The following COL11A1 variants were observed in gnomAD, a reference collection of about 807,000 sequenced individuals.
COL11A1 encodes the protein collagen type XI alpha 1 chain.
Under a neutral mutation model 265.2 loss-of-function variants are expected in COL11A1, and 74 were observed. The observed-to-expected ratio is 0.28, with a 90% CI of 0.23 to 0.34. COL11A1 has a LOEUF of 0.34. COL11A1 is among the 10% of genes least tolerant of loss of function. The pLI is 1.00. For missense variants in COL11A1, 2,165 were observed against 2,263.6 expected, an observed-to-expected ratio of 0.96 and a Z score of 0.88; for synonymous variants, 816 against 727.6, an observed-to-expected ratio of 1.12 and a Z score of -1.96.
chr1:103,018,890 G>A, intron 9 of COL11A1, 31 bp from the exon 10 acceptor site: 1 of 1,591,600 alleles, frequency 6.3e-7, no homozygotes, highest in Non-Finnish European at 8.6e-7. Flanking sequence ...ATCTCTACCA[G>A]GGAAATATAA....
At chr1:102,929,045 T>G (rs558535440) in intron 46 of COL11A1, among the ~76,000 whole-genome samples, 1 of 145,066 alleles carries the variant, frequency 6.9e-6, no homozygotes, top group African/African-American at 2.6e-5. Context: ...GTAGGTTGCC[T>G]GTTCACTCTG....
chr1:103,093,660 C>A (rs1673506172), intron 1 of COL11A1, among the ~76,000 whole-genome samples: 1 of 152,228 alleles, frequency 6.6e-6, no homozygotes, highest in Admixed American at 6.5e-5. Context: ...GACAAGAACC[C>A]TTTTTCTGGA....
intron 3 of COL11A1, among the ~76,000 whole-genome samples, chr1:103,075,206 C>T (rs1671883848): frequency 6.6e-6 from 1 of 152,128 alleles, no homozygotes. Flanking sequence ...TCTAGTGATC[C>T]CCTGAGATTG....
At chr1:102,879,278 G>C (rs951857935) in intron 66 of COL11A1, among the ~76,000 whole-genome samples, 5 of 151,924 alleles carry the variant, frequency 3.3e-5, no homozygotes, top group Non-Finnish European at 7.4e-5. Flanking sequence ...ACAAAATATA[G>C]GGCTAAAAAT....
intron 54 of COL11A1, among the ~76,000 whole-genome samples, chr1:102,909,981 G>C (rs931198988): frequency 1.3e-5 from 2 of 151,818 alleles, no homozygotes; most frequent in Non-Finnish European, 2.9e-5. Context: ...AAAATATTTT[G>C]AAAGTTTATA....
chr1:102,918,066 A>C (rs145776871), intron 49 of COL11A1, among the ~76,000 whole-genome samples: 42 of 151,648 alleles, frequency 2.8e-4, no homozygotes, highest in African/African-American at 9.6e-4. Flanking sequence ...AATGTTATAT[A>C]AATTAAGTCT....
At chr1:103,053,494 C>T (rs533576377) in intron 4 of COL11A1, among the ~76,000 whole-genome samples, 1 of 152,178 alleles carries the variant, frequency 6.6e-6, no homozygotes, top group African/African-American at 2.4e-5. Flanking sequence ...TACAGAATCA[C>T]TGAAGCTTGG....
intron 24 of COL11A1, chr1:103,001,096 A>C (rs1665057273): frequency 5.0e-6 from 2 of 397,134 alleles, no homozygotes; most frequent in Non-Finnish European, 4.4e-6. Flanking sequence ...CAGAAAGCAA[A>C]TTAATTGTTA....
At position 103,004,620 on chromosome 1, in the gene COL11A1, A is replaced by G. The variant is rs1557932817; in HGVS notation, c.1887T>C (p.Asp629=). The stretch of plus-strand genomic sequence containing the variant: ...AGTATTAACATACCCTCATTCCATC[A>G]TCACCAGGAGGACCTGGAGGACCTT... ...GPQGPPGPPG[D]DGMRGEDGEI... The change falls in exon 19 of 67, where the codon GAT becomes GAC. Residue 629 remains aspartate (D), a synonymous_variant. Coordinates refer to ENST00000370096, the MANE Select transcript of COL11A1 (RefSeq NM_001854.4). 3 of 1,610,632 alleles carry G rather than the reference A, an allele frequency of 1.9e-6. No homozygotes were observed. Among genetic ancestry groups the G allele is most frequent in the Non-Finnish European group, 1.7e-6 (2 of 1,178,566 alleles).
At chr1:102,996,228 G>A (rs1275749329) in intron 26 of COL11A1, among the ~76,000 whole-genome samples, 186 bp from the exon 27 acceptor site, 1 of 151,810 alleles carries the variant, frequency 6.6e-6, no homozygotes, top group Non-Finnish European at 1.5e-5. Flanking sequence ...CATGTAACTA[G>A]CACTACTCAC....
intron 4 of COL11A1, among the ~76,000 whole-genome samples, chr1:103,047,053 T>C (rs1283547004): frequency 1.3e-5 from 2 of 152,170 alleles, no homozygotes; most frequent in Non-Finnish European, 2.9e-5. Flanking sequence ...GCCTCCAGCT[T>C]TGTTATTTTG....
intron 4 of COL11A1, among the ~76,000 whole-genome samples, chr1:103,072,793 G>T (rs1411067425): frequency 1.3e-5 from 2 of 151,560 alleles, no homozygotes. Flanking sequence ...TAGAAAGTAA[G>T]ACCTGAATCT....
intron 4 of COL11A1, among the ~76,000 whole-genome samples, chr1:103,036,893 A>G (rs1668414896): frequency 6.6e-6 from 1 of 152,058 alleles, no homozygotes; most frequent in Non-Finnish European, 1.5e-5. Flanking sequence ...CTGGGTTTAT[A>G]CTATAGTGTT....
intron 1 of COL11A1, among the ~76,000 whole-genome samples, chr1:103,092,079 T>C (rs965000449): frequency 6.6e-6 from 1 of 152,088 alleles, no homozygotes; most frequent in Non-Finnish European, 1.5e-5. Context: ...TAGTAAAATA[T>C]TCTGAAGTGT....
At chr1:102,895,529 G>C (rs1409774337) in intron 57 of COL11A1, among the ~76,000 whole-genome samples, 1 of 152,072 alleles carries the variant, frequency 6.6e-6, no homozygotes, top group Non-Finnish European at 1.5e-5. Context: ...ATTGAAGCCT[G>C]TGTAGATTTG....
rs74108049 is a variant in COL11A1, at chr1:102,909,124, C to A, written c.4086+3035G>T. On this transcript the variant is annotated intron_variant, in intron 54 of 66. Transcript: ENST00000370096. ...AGAGCCCAATAGGAGGTGTCTGAGT[C>A]ATGGGGATGGATTTCTTATGAATAG... is the stretch of plus-strand genomic sequence containing the variant. Among the ~76,000 whole-genome samples, 913 of 152,200 alleles carry A rather than the reference C, an allele frequency of 6.0e-3. 17 individuals carry two copies. Among genetic ancestry groups the A allele is most frequent in the African/African-American group, 0.021 (886 of 41,544 alleles).
chr1:102,923,245 C>T (rs1570739906), intron 47 of COL11A1, 91 bp downstream of exon 47: 5 of 940,414 alleles, frequency 5.3e-6, no homozygotes, highest in South Asian at 3.1e-5. Context: ...ATAATATATA[C>T]ATAGTAATGA....
intron 25 of COL11A1, among the ~76,000 whole-genome samples, chr1:102,997,471 T>C (rs1198760631): frequency 3.3e-5 from 5 of 151,990 alleles, no homozygotes; most frequent in Non-Finnish European, 7.4e-5. Context: ...GCCTTATATT[T>C]AGCAAATTAA....
intron 47 of COL11A1, among the ~76,000 whole-genome samples, chr1:102,922,696 G>T (rs1046868582): frequency 1.3e-5 from 2 of 152,170 alleles, no homozygotes; most frequent in Non-Finnish European, 2.9e-5. Flanking sequence ...ACCGCTCCCG[G>T]CCAGCAAAGT....
Sources: allele counts gnomAD v4.1 joint callset (sites outside exome capture counted in the v4.1 genomes callset), GRCh38; gene constraint gnomAD v4.1.1; transcripts MANE v1.5; gene names NCBI Gene and HGNC (gene_info 2026-07-23, HGNC 2026-07-21).